DAAM2: variants seen among roughly 807,000 people sequenced by gnomAD.
DAAM2 encodes disheveled-associated activator of morphogenesis 2.
DAAM2 carries 39 observed loss-of-function variants against 120.7 expected under a neutral mutation model. That is an observed-to-expected ratio of 0.32 (90% CI 0.25 to 0.42). The LOEUF is 0.42. Ranked by LOEUF, DAAM2 falls within the 10% of genes least tolerant of loss-of-function variation. The pLI is 1.00. For synonymous variants in DAAM2, 488 were observed against 524.9 expected, an observed-to-expected ratio of 0.93 and a Z score of 0.96; for missense variants, 1,283 against 1,401.7, an observed-to-expected ratio of 0.92 and a Z score of 1.35.
At chr6:39,826,745 G>A (rs922963401) in intron 1 of DAAM2, among the ~76,000 whole-genome samples, 15 of 152,090 alleles carry the variant, frequency 9.9e-5, no homozygotes, top group African/African-American at 3.6e-4. Context: ...GCATACTAAT[G>A]GTAGGCAAAT....
intron 11 of DAAM2, among the ~76,000 whole-genome samples, chr6:39,877,093 C>T (rs1764905010): frequency 6.6e-6 from 1 of 152,220 alleles, no homozygotes; most frequent in Non-Finnish European, 1.5e-5. Context: ...CCATCTGTCC[C>T]TGGTTCCCTG....
At position 39,902,190 on chromosome 6, in the gene DAAM2, G is replaced by A. The variant is rs1582784811; in HGVS notation, c.*153G>A. On this transcript the variant is annotated 3_prime_UTR_variant, in exon 25 of 25. Coordinates refer to ENST00000274867, the MANE Select transcript of DAAM2 (RefSeq NM_001201427.2). Reference sequence around the variant, plus strand: ...GGGGCTGTGTGTGGCTGGACCAGGTGTCTCCCCACGCTTACCTTAAGGGGC... The same window carrying A: ...GGGGCTGTGTGTGGCTGGACCAGGTATCTCCCCACGCTTACCTTAAGGGGC... The A allele has an allele frequency of 5.3e-6, 3 of 565,158 alleles. No homozygotes were observed. Among genetic ancestry groups the A allele is most frequent in the East Asian group, 6.2e-5 (2 of 32,182 alleles). 35.0% of individuals were successfully genotyped at this position (565,158 alleles called of 1,614,324 possible).
chr6:39,805,443 C>T (rs2114026413), intron 1 of DAAM2, among the ~76,000 whole-genome samples: 1 of 152,206 alleles, frequency 6.6e-6, no homozygotes, highest in South Asian at 2.1e-4. Flanking sequence ...GTTTTCTTTC[C>T]ATTGGAATGC....
At chr6:39,835,040 G>A (rs974671881) in intron 1 of DAAM2, among the ~76,000 whole-genome samples, 6 of 152,156 alleles carry the variant, frequency 3.9e-5, no homozygotes, top group African/African-American at 9.7e-5. Flanking sequence ...TGCGCTTCCC[G>A]CATTATGTCA....
chr6:39,797,561 G>A (rs2113986696), intron 1 of DAAM2, among the ~76,000 whole-genome samples: 1 of 152,336 alleles, frequency 6.6e-6, no homozygotes, highest in Non-Finnish European at 1.5e-5. Flanking sequence ...GCTTGTAAAA[G>A]TATCAATGCT....
chr6:39,863,764 T>G (rs1764309387), intron 3 of DAAM2, among the ~76,000 whole-genome samples: 1 of 152,190 alleles, frequency 6.6e-6, no homozygotes. Flanking sequence ...GGCTGAGCAC[T>G]GGGCCAGAGG....
chr6:39,864,719 C>T (rs971413943), intron 4 of DAAM2, among the ~76,000 whole-genome samples: 7 of 152,182 alleles, frequency 4.6e-5, no homozygotes, highest in African/African-American at 1.4e-4. Flanking sequence ...GTCCCCCAAC[C>T]ATTTAAACAT....
rs1261056103 is a variant in DAAM2, at chr6:39,901,497, A to C, written c.2982+25A>C. On this transcript the variant is annotated intron_variant, in intron 24 of 24. Coordinates refer to ENST00000274867, the MANE Select transcript of DAAM2 (RefSeq NM_001201427.2). The surrounding 1 kb of genome is among the most constrained non-coding windows in gnomAD (Gnocchi z 4.5). ...GGTGAGGGGCAGTGCCAGGCCTGGG[A>C]CTGAGGGGAGACGGGTGCTACTTGG... The C allele has an allele frequency of 1.1e-5, 17 of 1,592,980 alleles. No homozygotes were observed. Among genetic ancestry groups the C allele is most frequent in the Non-Finnish European group, 1.4e-5 (16 of 1,175,028 alleles).
intron 1 of DAAM2, among the ~76,000 whole-genome samples, chr6:39,832,786 C>A (rs1762963021): frequency 6.6e-6 from 1 of 152,196 alleles, no homozygotes; most frequent in Non-Finnish European, 1.5e-5. Flanking sequence ...GTACCTTGCT[C>A]TCTCTGCTGC....
At chr6:39,881,589 C>T (rs578203973) in intron 14 of DAAM2, among the ~76,000 whole-genome samples, 25 of 152,034 alleles carry the variant, frequency 1.6e-4, no homozygotes, top group Non-Finnish European at 2.9e-4. Context: ...TGGTGGCGCA[C>T]GCCTGTAATC....
At chr6:39,813,305 G>T (rs1762218485) in intron 1 of DAAM2, among the ~76,000 whole-genome samples, 1 of 152,178 alleles carries the variant, frequency 6.6e-6, no homozygotes, top group South Asian at 2.1e-4. Context: ...CATAGGCGAT[G>T]AGTCTGGCTG....
At chr6:39,863,075 A>G (rs1424484754) in intron 3 of DAAM2, among the ~76,000 whole-genome samples, 1 of 151,782 alleles carries the variant, frequency 6.6e-6, no homozygotes, top group Non-Finnish European at 1.5e-5. Flanking sequence ...GGGTGGCTCT[A>G]CCATAGAACA....
intron 1 of DAAM2, among the ~76,000 whole-genome samples, chr6:39,830,279 G>A (rs1419267550): frequency 6.6e-6 from 1 of 152,196 alleles, no homozygotes; most frequent in African/African-American, 2.4e-5. Flanking sequence ...TCATGGAGAG[G>A]CATGACTCTC....
At chr6:39,794,462 G>C (rs529040229) in intron 1 of DAAM2, among the ~76,000 whole-genome samples, 2 of 152,144 alleles carry the variant, frequency 1.3e-5, no homozygotes, top group Non-Finnish European at 2.9e-5. Context: ...GGGAATACTC[G>C]TGCCCCCATC....
At chr6:39,805,559 T>TA (rs1561994643) in intron 1 of DAAM2, among the ~76,000 whole-genome samples, 1 of 69,608 alleles carries the variant, frequency 1.4e-5, no homozygotes, top group Non-Finnish European at 3.6e-5. Flanking sequence ...CTAAGGTTAT[T>TA]TTTTTTTTTT....
chr6:39,802,525 G>A (rs991005088), intron 1 of DAAM2, among the ~76,000 whole-genome samples: 1 of 152,194 alleles, frequency 6.6e-6, no homozygotes, highest in African/African-American at 2.4e-5. Context: ...GGATGAAGAT[G>A]ATGATGGTGG....
intron 1 of DAAM2, among the ~76,000 whole-genome samples, chr6:39,807,363 A>T (rs1405467506): frequency 6.6e-6 from 1 of 152,236 alleles, no homozygotes; most frequent in Non-Finnish European, 1.5e-5. Flanking sequence ...TTATATGTAT[A>T]ATTAAAGCAT....
At position 39,897,162 on chromosome 6, in the gene DAAM2, C is replaced by T. The variant is rs1050856088; in HGVS notation, c.2511-13C>T. The T allele has an allele frequency of 1.9e-6, 3 of 1,603,734 alleles. No homozygotes were observed. The highest frequency in any genetic ancestry group is 2.6e-6 in the Non-Finnish European group (3 of 1,170,802). ...CCTCTGTCACTTACCACTGACCTGA[C>T]TTTCATCCACAGAAACATCTCTCTG... On this transcript the variant is annotated splice_polypyrimidine_tract_variant and intron_variant, in intron 20 of 24. Coordinates refer to ENST00000274867, the MANE Select transcript of DAAM2 (RefSeq NM_001201427.2).
intron 1 of DAAM2, chr6:39,819,624 C>T (rs1005159521): frequency 1.3e-5 from 2 of 152,188 alleles, no homozygotes; most frequent in Non-Finnish European, 2.9e-5. Flanking sequence ...GTGATGCTAC[C>T]TCTAACAATA....
Sources: gnomAD v4.1 joint callset for allele counts (sites outside exome capture counted in the v4.1 genomes callset) on GRCh38, gnomAD v4.1.1 for gene constraint, Gnocchi (gnomAD v3.1) non-coding constraint, MANE v1.5 for transcripts, NCBI Gene and HGNC (gene_info 2026-07-23, HGNC 2026-07-21) for gene names.